The following ASXL2 variants were observed in gnomAD, a reference collection of about 807,000 sequenced individuals.
The protein encoded by ASXL2 is ASXL transcriptional regulator 2.
In ASXL2, 23 loss-of-function variants were observed where a neutral mutation model predicts 122.0. That is an observed-to-expected ratio of 0.19 (90% CI 0.14 to 0.27). The LOEUF is 0.27. Among genes scored for constraint, ASXL2 ranks in the 10% least tolerant of loss-of-function variants. ASXL2 has a pLI of 1.00. For synonymous variants in ASXL2, 650 were observed against 637.0 expected (o/e 1.02, Z -0.31); for missense variants, 1,518 against 1,713.8 (o/e 0.89, Z 2.02).
At chr2:25,843,814 TAAA>T (rs541446675) in intron 2 of ASXL2, among the ~76,000 whole-genome samples, 1 of 86,508 alleles carries the variant, frequency 1.2e-5, no homozygotes, top group Admixed American at 1.3e-4. Flanking sequence ...CTCCATCTCT[TAAA>T]AAAAAAAAAA....
chr2:25,806,888 C>G (rs750594142), intron 3 of ASXL2, among the ~76,000 whole-genome samples: 3 of 151,708 alleles, frequency 2.0e-5, no homozygotes, highest in African/African-American at 7.3e-5. Context: ...TATTTATCAT[C>G]TTTACTAGAA....
chr2:25,808,668 A>G (rs1024196119), intron 3 of ASXL2, among the ~76,000 whole-genome samples: 2 of 152,202 alleles, frequency 1.3e-5, no homozygotes, highest in Admixed American at 6.5e-5. Flanking sequence ...GCCTGTATCA[A>G]GCCTTTTTTG....
At chr2:25,752,955 GT>G (rs1306649884) in intron 11 of ASXL2, among the ~76,000 whole-genome samples, 1 of 149,962 alleles carries the variant, frequency 6.7e-6, no homozygotes, top group Non-Finnish European at 1.5e-5. Flanking sequence ...TTAATTCAAA[GT>G]TTTTTTAGAA....
rs62127684 is a variant in ASXL2 at position 25,794,395 on chromosome 2, C to T, written c.403+4990G>A. Among the ~76,000 whole-genome samples, 1,192 of 152,300 alleles carry T rather than the reference C, an allele frequency of 7.8e-3. 5 individuals are homozygous for T. The highest frequency in any genetic ancestry group is 0.024 in the Middle Eastern group (7 of 294). On this transcript the variant is annotated intron_variant, in intron 5 of 12. Transcript: ENST00000435504. Reference sequence around the variant, plus strand: ...TTTTGGGGAAAAGGCAGAGACTTCACTTAGCTATGATCATAAAAAAGCAAT... The same window carrying T: ...TTTTGGGGAAAAGGCAGAGACTTCATTTAGCTATGATCATAAAAAAGCAAT...
Position 25,739,369 on chromosome 2 carries a change from GT to G in ASXL2, c.*2659del, listed in dbSNP as rs776553926. ...TTTCTAAAAGGCCAGATTGTAATGT[GT>G]TTTTTTTTTTTTTAATTTTTCTGTT... On this transcript the variant is annotated 3_prime_UTR_variant, in exon 13 of 13. Transcript: ENST00000435504. 0.017 allele frequency: 2,739 copies of G among 157,594 alleles called. 2 individuals carry two copies. Among genetic ancestry groups the G allele is most frequent in the East Asian group, 0.064 (537 of 8,422 alleles). The allele number at this position is 157,594 out of a possible 1,614,324, so 9.8% of individuals were successfully genotyped here. A position where few individuals can be genotyped will look rare whatever the true frequency, so the allele number is the denominator to read the frequency against.
intron 5 of ASXL2, among the ~76,000 whole-genome samples, chr2:25,779,371 T>C (rs2088597556): frequency 6.6e-6 from 1 of 152,146 alleles, no homozygotes; most frequent in South Asian, 2.1e-4. Flanking sequence ...GTGCTGGGAT[T>C]ACAGACATGA....
chr2:25,811,606 C>A (rs1023913529), intron 3 of ASXL2, among the ~76,000 whole-genome samples: 2 of 151,900 alleles, frequency 1.3e-5, no homozygotes, highest in African/African-American at 2.4e-5. Context: ...GAAGCTCAAA[C>A]TTAATAGTGG....
intron 5 of ASXL2, among the ~76,000 whole-genome samples, chr2:25,795,581 C>T (rs1453392123): frequency 6.6e-6 from 1 of 152,088 alleles, no homozygotes; most frequent in Non-Finnish European, 1.5e-5. Flanking sequence ...AAAGCAAGGG[C>T]CCCAAGTATA....
chr2:25,777,904 A>G (rs182344357), intron 5 of ASXL2, among the ~76,000 whole-genome samples: 72 of 152,350 alleles, frequency 4.7e-4, no homozygotes, highest in African/African-American at 1.6e-3. Flanking sequence ...GCAAATAAAA[A>G]TACAAAGATT....
rs1574389208 is a variant in ASXL2, at chr2:25,742,456, A to G, written c.3881T>C (p.Leu1294Pro). 1.2e-6 allele frequency: 2 copies of G among 1,612,626 alleles called. No individual in the cohort carries two copies. Among genetic ancestry groups the G allele is most frequent in the Non-Finnish European group, 1.7e-6 (2 of 1,179,232 alleles). The change falls in exon 13 of 13, where the codon CTT becomes CCT. Residue 1294 changes from leucine (L) to proline (P), a missense_variant. Leu to Pro is a moderately conservative substitution (Grantham distance 98). This residue lies in a region of ASXL2 where 831 missense variants were observed against 833.1 expected (regional missense o/e 1.00). Coordinates refer to ENST00000435504, the MANE Select transcript of ASXL2 (RefSeq NM_018263.6). ...SSPELFSSTV[L>P]PLPADSPTHQ... The stretch of plus-strand genomic sequence containing the variant: ...GGTGGGGCTGTCTGCAGGCAGAGGA[A>G]GAACAGTAGAACTGAAAAGCTCGGG...
At position 25,738,382 on chromosome 2, in the gene ASXL2, A is replaced by G. The variant is rs2087771155; in HGVS notation, c.*3647T>C. 1 of 152,212 alleles carries G rather than the reference A, an allele frequency of 6.6e-6. No individual in the cohort carries two copies. The highest frequency in any genetic ancestry group is 2.1e-4 in the South Asian group (1 of 4,836). The allele number at this position is 152,212 out of a possible 1,614,324, so 9.4% of individuals were successfully genotyped here. On this transcript the variant is annotated 3_prime_UTR_variant, in exon 13 of 13. Coordinates refer to ENST00000435504, the MANE Select transcript of ASXL2 (RefSeq NM_018263.6). The stretch of plus-strand genomic sequence containing the variant: ...AACATGGTAGGAAAGGCCCCTGCCT[A>G]TCACCATGTTTCTCAAAGTCTCTTT...
At chr2:25,767,104 T>C (rs188494131) in intron 8 of ASXL2, among the ~76,000 whole-genome samples, 3 of 152,302 alleles carry the variant, frequency 2.0e-5, no homozygotes, top group Admixed American at 2.0e-4. Context: ...TTTGATCTTT[T>C]GTATTTCTAT....
intron 3 of ASXL2, among the ~76,000 whole-genome samples, chr2:25,815,501 C>T (rs1024667691): frequency 6.6e-6 from 1 of 152,044 alleles, no homozygotes; most frequent in African/African-American, 2.4e-5. Flanking sequence ...TTCTCTGAAA[C>T]ACATATTTAT....
intron 1 of ASXL2, among the ~76,000 whole-genome samples, chr2:25,875,743 C>A (rs1201529847): frequency 2.0e-5 from 3 of 152,126 alleles, no homozygotes; most frequent in Non-Finnish European, 4.4e-5. Flanking sequence ...GAAACAGACA[C>A]CTGCTTCCTT....
intron 11 of ASXL2, among the ~76,000 whole-genome samples, chr2:25,751,032 T>C (rs891495309): frequency 3.3e-5 from 5 of 152,234 alleles, no homozygotes; most frequent in African/African-American, 1.2e-4. Context: ...TCTAAAATTC[T>C]GAGATCGAGT....
chr2:25,849,765 C>T (rs1386297161), intron 1 of ASXL2, among the ~76,000 whole-genome samples: 1 of 152,060 alleles, frequency 6.6e-6, no homozygotes, highest in East Asian at 1.9e-4. Context: ...GTCTCAAATT[C>T]CTGGGCTCAA....
At position 25,758,192 on chromosome 2, in the gene ASXL2, A is replaced by C. The variant is rs184201338; in HGVS notation, c.939+1290T>G. Among the ~76,000 whole-genome samples, 57 of 152,338 alleles carry C rather than the reference A, an allele frequency of 3.7e-4. 1 individual carries two copies. In the East Asian group the frequency reaches 6.2e-3, roughly 16 times the overall value. On this transcript the variant is annotated intron_variant, in intron 9 of 12. Transcript: ENST00000435504. ...TCTGATTCACAACACTATGAAACTG[A>C]TATCAATGCAGTCTAGTAGAAAGAT...
At chr2:25,858,046 C>A (rs2089801398) in intron 1 of ASXL2, among the ~76,000 whole-genome samples, 2 of 152,070 alleles carry the variant, frequency 1.3e-5, no homozygotes, top group Non-Finnish European at 2.9e-5. Flanking sequence ...AGAGCAGTGC[C>A]TGGCATATAG....
intron 3 of ASXL2, among the ~76,000 whole-genome samples, chr2:25,831,411 A>C (rs1176208271): frequency 2.0e-5 from 3 of 152,204 alleles, no homozygotes. Flanking sequence ...CTGTAATCCC[A>C]GCACTTTGGG....
Sources: gnomAD v4.1 joint callset for allele counts (sites outside exome capture counted in the v4.1 genomes callset) on GRCh38, gnomAD v4.1.1 for gene constraint, gnomAD v4.1.1 regional missense constraint, MANE v1.5 for transcripts, NCBI Gene and HGNC (gene_info 2026-07-23, HGNC 2026-07-21) for gene names.